Variants in PNKD observed in about 807,000 individuals in gnomAD.
PNKD encodes PNKD metallo-beta-lactamase domain containing.
A neutral mutation model predicts 45.3 loss-of-function variants in PNKD; 36 were observed. That is an observed-to-expected ratio of 0.80 (90% CI 0.61 to 1.05). The LOEUF is 1.05. Among genes scored for constraint, PNKD ranks in the 50% least tolerant of loss-of-function variants. The probability of loss-of-function intolerance (pLI) is 0.00; values close to 1 mark genes in which losing one functional copy is unlikely to be tolerated. For missense variants in PNKD, 511 were observed against 506.6 expected, an observed-to-expected ratio of 1.01 and a Z score of -0.08; for synonymous variants, 197 against 210.1, an observed-to-expected ratio of 0.94 and a Z score of 0.54.
chr2:218,336,960 C>G (rs1694514921), intron 2 of PNKD, among the ~76,000 whole-genome samples: 1 of 151,808 alleles, frequency 6.6e-6, no homozygotes, highest in Non-Finnish European at 1.5e-5. Flanking sequence ...CCACCACACC[C>G]TGTTAATTTT....
At chr2:218,295,173 G>T (rs143139014) in intron 2 of PNKD, among the ~76,000 whole-genome samples, 407 of 152,346 alleles carry the variant, frequency 2.7e-3, no homozygotes, top group Non-Finnish European at 4.5e-3. Context: ...GAGCAGCAGT[G>T]CTTCGCTGGC....
chr2:218,280,022 T>C, intron 2 of PNKD: 1 of 1,613,802 alleles, frequency 6.2e-7, no homozygotes, highest in Non-Finnish European at 8.5e-7. Flanking sequence ...AGCGCGTATC[T>C]TACCTTTCGG....
intron 2 of PNKD, among the ~76,000 whole-genome samples, chr2:218,333,904 C>T (rs1190338748): frequency 6.7e-6 from 1 of 149,928 alleles, no homozygotes; most frequent in Non-Finnish European, 1.5e-5. Flanking sequence ...CACCTGAAGT[C>T]AGGAGTTCCA....
chr2:218,288,321 C>T (rs895669753), intron 2 of PNKD, among the ~76,000 whole-genome samples: 6 of 152,246 alleles, frequency 3.9e-5, no homozygotes, highest in Admixed American at 2.0e-4. Context: ...CCCAGCTACT[C>T]GGGAGGCTGA....
At chr2:218,320,981 A>G (rs1259565682) in intron 2 of PNKD, among the ~76,000 whole-genome samples, 1 of 152,116 alleles carries the variant, frequency 6.6e-6, no homozygotes, top group African/African-American at 2.4e-5. Context: ...ACTCCCCTAA[A>G]ACACTCACCC....
intron 2 of PNKD, among the ~76,000 whole-genome samples, chr2:218,293,747 T>C (rs775452063): frequency 7.2e-6 from 1 of 139,240 alleles, no homozygotes; most frequent in Non-Finnish European, 1.5e-5. Flanking sequence ...TACACCCAGC[T>C]AATTTTGTTT....
At position 218,340,276 on chromosome 2, in the gene PNKD, A is replaced by G; in HGVS notation, c.465+135A>G. The G allele has an allele frequency of 1.5e-6, 1 of 668,010 alleles. No individual in the cohort carries two copies. The highest frequency in any genetic ancestry group is 1.7e-5 in the South Asian group (1 of 59,848). The allele number at this position is 668,010 out of a possible 1,614,324, so 41.4% of individuals were successfully genotyped here. A position where few individuals can be genotyped will look rare whatever the true frequency, so the allele number is the denominator to read the frequency against. On this transcript the variant is annotated intron_variant, in intron 4 of 9. Coordinates refer to ENST00000273077, the MANE Select transcript of PNKD (RefSeq NM_015488.5). The surrounding 1 kb of genome is among the most constrained non-coding windows in gnomAD (Gnocchi z 4.2). ...ATATGCTCCATGTTCACACGTGCAC[A>G]TGCGCACACATAGCCTGGGGAAGGG...
At chr2:218,305,104 C>T (rs1693372262) in intron 2 of PNKD, among the ~76,000 whole-genome samples, 1 of 152,026 alleles carries the variant, frequency 6.6e-6, no homozygotes, top group African/African-American at 2.4e-5. Context: ...GTGGGGCGAC[C>T]ATCACCTTCC....
At chr2:218,319,276 C>A (rs1693911193) in intron 2 of PNKD, among the ~76,000 whole-genome samples, 1 of 150,616 alleles carries the variant, frequency 6.6e-6, no homozygotes. Context: ...TAATGTACAA[C>A]TTGGTGAGTT....
chr2:218,323,987 C>CCTTT (rs1694069354), intron 2 of PNKD, among the ~76,000 whole-genome samples: 1 of 152,212 alleles, frequency 6.6e-6, no homozygotes, highest in Admixed American at 6.5e-5. Flanking sequence ...CCAGTATGTC[C>CCTTT]CTTTCCTTCT....
At chr2:218,280,386 G>A (rs899283724) in intron 2 of PNKD, 9 of 412,982 alleles carry the variant, frequency 2.2e-5, no homozygotes, top group Non-Finnish European at 4.0e-5. Flanking sequence ...CGCCACTGGG[G>A]GTTCACTGGG....
intron 2 of PNKD, among the ~76,000 whole-genome samples, chr2:218,324,983 A>T: frequency 7.0e-6 from 1 of 143,744 alleles, no homozygotes; most frequent in South Asian, 2.2e-4. Flanking sequence ...ACATGAAGGT[A>T]TCTAAATAAT....
intron 2 of PNKD, among the ~76,000 whole-genome samples, chr2:218,325,794 A>C (rs989314038): frequency 6.6e-6 from 1 of 152,140 alleles, no homozygotes; most frequent in Non-Finnish European, 1.5e-5. Flanking sequence ...TAATCATTGG[A>C]GAGCTTCTTC....
chr2:218,325,351 G>A (rs1304508552), intron 2 of PNKD, among the ~76,000 whole-genome samples: 1 of 151,348 alleles, frequency 6.6e-6, no homozygotes, highest in Non-Finnish European at 1.5e-5. Flanking sequence ...GCGACTACAG[G>A]CACCTGCTAC....
At chr2:218,332,739 G>A (rs1016206538) in intron 2 of PNKD, among the ~76,000 whole-genome samples, 5 of 149,852 alleles carry the variant, frequency 3.3e-5, no homozygotes, top group Admixed American at 6.7e-5. Context: ...TGGATGACTC[G>A]GTACCTCCTG....
chr2:218,292,672 CAG>C (rs1381129327), intron 2 of PNKD: 9 of 152,264 alleles, frequency 5.9e-5, no homozygotes, highest in Middle Eastern at 3.4e-3. Flanking sequence ...ACTAATAACA[CAG>C]GGGTATTTTC....
chr2:218,342,225 C>T (rs1694701501), intron 7 of PNKD, 81 bp downstream of exon 7: 2 of 1,180,094 alleles, frequency 1.7e-6, no homozygotes, highest in Middle Eastern at 2.3e-4. Flanking sequence ...ATGGAGAGCA[C>T]TGAAGCCTTA....
intron 2 of PNKD, among the ~76,000 whole-genome samples, chr2:218,294,030 A>AG (rs1039396251): frequency 1.3e-5 from 2 of 151,644 alleles, no homozygotes; most frequent in African/African-American, 4.8e-5. Flanking sequence ...GGAGTTACTT[A>AG]GGGGGACTAG....
At chr2:218,282,169 C>A (rs1204037710) in intron 2 of PNKD, 2 of 1,445,622 alleles carry the variant, frequency 1.4e-6, no homozygotes, top group African/African-American at 2.9e-5. Context: ...GGGGGAACCC[C>A]AGCTGCTGGG....
Sources: allele counts gnomAD v4.1 joint callset (sites outside exome capture counted in the v4.1 genomes callset), GRCh38; gene constraint gnomAD v4.1.1; non-coding constraint Gnocchi (gnomAD v3.1); transcripts MANE v1.5; gene names NCBI Gene and HGNC (gene_info 2026-07-23, HGNC 2026-07-21).